Variants in CASZ1 observed in about 807,000 individuals in gnomAD.
CASZ1 encodes zinc finger protein castor homolog 1.
A neutral mutation model predicts 135.2 loss-of-function variants in CASZ1; 28 were observed. The ratio of observed to expected loss-of-function variants is 0.21; its 90% CI spans 0.15 to 0.28. The LOEUF is 0.28. CASZ1 is among the 10% of genes least tolerant of loss of function. The probability of loss-of-function intolerance (pLI) is 1.00; values close to 1 mark genes in which losing one functional copy is unlikely to be tolerated. For synonymous variants in CASZ1, 1,068 were observed against 1,073.4 expected (o/e 0.99, Z 0.10); for missense variants, 2,161 against 2,453.3 (o/e 0.88, Z 2.52).
At chr1:10,681,172 A>T (rs1381383240) in intron 4 of CASZ1, among the ~76,000 whole-genome samples, 1 of 150,852 alleles carries the variant, frequency 6.6e-6, no homozygotes, top group African/African-American at 2.4e-5. Flanking sequence ...AAGTGCTGGG[A>T]TTATAGGCAG....
intron 5 of CASZ1, chr1:10,660,970 T>G: frequency 5.2e-6 from 1 of 192,000 alleles, no homozygotes; most frequent in Non-Finnish European, 1.1e-5. Context: ...AGTGGGCAGC[T>G]GGGTGGGAGC....
intron 1 of CASZ1, among the ~76,000 whole-genome samples, chr1:10,791,784 T>A (rs548509320): frequency 6.6e-6 from 1 of 152,072 alleles, no homozygotes; most frequent in Non-Finnish European, 1.5e-5. Context: ...TTTCCTTGAA[T>A]GATCTGTTTA....
intron 15 of CASZ1, 22 bp from the exon 16 acceptor site, chr1:10,648,161 GT>G: frequency 6.8e-7 from 1 of 1,469,830 alleles, no homozygotes; most frequent in Non-Finnish European, 9.1e-7. Flanking sequence ...AGAAGAGGGG[GT>G]CTCATGGGGG....
At chr1:10,749,287 G>A (rs369765297) in intron 2 of CASZ1, among the ~76,000 whole-genome samples, 9 of 149,826 alleles carry the variant, frequency 6.0e-5, no homozygotes, top group African/African-American at 2.2e-4. Flanking sequence ...TCACTCTGTC[G>A]CCCAGGCTGG....
chr1:10,792,324 CCCGCCCCCCCCCCCCCGG>C lies in CASZ1; in HGVS notation c.-234+4222_-234+4239del, dbSNP rs947364475. 2.0e-4 allele frequency among the ~76,000 whole-genome samples: 4 copies of C among 19,906 alleles called. 1 individual carries two copies. The highest frequency in any genetic ancestry group is 5.1e-4 in the African/African-American group (3 of 5,832). 13.1% of individuals were successfully genotyped at this position (19,906 alleles called of 152,430 possible). A position where few individuals can be genotyped will look rare whatever the true frequency, so the allele number is the denominator to read the frequency against. ...CTCTGTACATGGCTTACCCCTCCCCCCCGCCCCCCCCCCCCCGGCCCCGCACACAAAGTAAATGGAAAT... is the reference window on the plus strand; with the variant it reads ...CTCTGTACATGGCTTACCCCTCCCCCCCCCGCACACAAAGTAAATGGAAAT... On this transcript the variant is annotated intron_variant, in intron 1 of 20. Coordinates refer to ENST00000377022, the MANE Select transcript of CASZ1 (RefSeq NM_001079843.3).
chr1:10,653,869 C>A lies in CASZ1; in HGVS notation c.2188G>T (p.Ala730Ser). 1.9e-6 allele frequency: 3 copies of A among 1,612,808 alleles called. No individual in the cohort carries two copies. Among genetic ancestry groups the A allele is most frequent in the Non-Finnish European group, 2.5e-6 (3 of 1,179,338 alleles). The change falls in exon 11 of 21, where the codon GCC (alanine) becomes TCC (serine). Residue 730 changes from alanine (A) to serine (S), a missense_variant. Physicochemically the swap from Ala to Ser is moderately conservative, Grantham distance 99. Coordinates refer to ENST00000377022, the MANE Select transcript of CASZ1 (RefSeq NM_001079843.3). The part of the protein sequence containing the change: ...SSNDDLVDFS[A>S]LSSKNSSLSA... ...AGGCTGGAGTTCTTGCTGCTCAGGG[C>A]GGAGAAGTCAACAAGGTCGTCGTTG...
intron 1 of CASZ1, among the ~76,000 whole-genome samples, chr1:10,770,546 G>A (rs1266586550): frequency 1.3e-5 from 2 of 152,040 alleles, no homozygotes; most frequent in South Asian, 2.1e-4. Flanking sequence ...CAGCCAACTG[G>A]GCCCCTAGCT....
chr1:10,707,649 T>C lies in CASZ1; in HGVS notation c.-76-2105A>G, dbSNP rs1639204502. ...CTGGCTGATGGGAGCAGGGAAGCTG[T>C]CCCTGGGTGGGATCTGGGACCCTGG... On this transcript the variant is annotated intron_variant, in intron 2 of 20. Coordinates refer to ENST00000377022, the MANE Select transcript of CASZ1 (RefSeq NM_001079843.3). The surrounding 1 kb of genome is among the most constrained non-coding windows in gnomAD (Gnocchi z 5.0). Among the ~76,000 whole-genome samples the C allele has an allele frequency of 6.6e-6, 1 of 152,068 alleles. No homozygotes were observed. Among genetic ancestry groups the C allele is most frequent in the African/African-American group, 2.4e-5 (1 of 41,404 alleles).
intron 4 of CASZ1, among the ~76,000 whole-genome samples, chr1:10,678,195 C>T (rs530176473): frequency 3.5e-4 from 54 of 152,320 alleles, no homozygotes; most frequent in Middle Eastern, 6.8e-3. Flanking sequence ...ACACCACCCG[C>T]CCTCCCTGCA....
intron 2 of CASZ1, among the ~76,000 whole-genome samples, chr1:10,722,153 T>A (rs1639508673): frequency 1.3e-5 from 2 of 152,050 alleles, no homozygotes; most frequent in South Asian, 4.2e-4. Flanking sequence ...ACAGCCACCG[T>A]CTCCCCTGAG....
intron 4 of CASZ1, among the ~76,000 whole-genome samples, chr1:10,684,302 A>G (rs1170811304): frequency 6.6e-6 from 1 of 151,992 alleles, no homozygotes; most frequent in Non-Finnish European, 1.5e-5. Context: ...CACAGCTGCA[A>G]GCCCTTTTCT....
At chr1:10,765,996 G>A (rs995849891) in intron 1 of CASZ1, among the ~76,000 whole-genome samples, 2 of 152,196 alleles carry the variant, frequency 1.3e-5, no homozygotes, top group African/African-American at 4.8e-5. Context: ...GTCGCCAGAG[G>A]GAGACGGATA....
At chr1:10,737,805 G>A (rs1639829453) in intron 2 of CASZ1, among the ~76,000 whole-genome samples, 1 of 152,216 alleles carries the variant, frequency 6.6e-6, no homozygotes, top group African/African-American at 2.4e-5. Flanking sequence ...GGAGGGCTGT[G>A]GATCAGCCCG....
Position 10,779,440 on chromosome 1 carries a change from C to T in CASZ1, c.-234+17124G>A, listed in dbSNP as rs1264541101. Among the ~76,000 whole-genome samples the T allele has an allele frequency of 2.0e-5, 3 of 152,262 alleles. No individual in the cohort carries two copies. In the East Asian group the frequency reaches 5.8e-4, roughly 29 times the overall value. ...GCTGGCACAGCCGGTGAGCTCAGCG[C>T]CCTGCGGGGGCCGTGGGTGCAGGCG... On this transcript the variant is annotated intron_variant, in intron 1 of 20. Transcript: ENST00000377022.
chr1:10,667,106 G>A (rs1643260040), intron 4 of CASZ1, among the ~76,000 whole-genome samples: 1 of 152,220 alleles, frequency 6.6e-6, no homozygotes, highest in Non-Finnish European at 1.5e-5. Flanking sequence ...CACATGCCAG[G>A]AAACCCGATG....
intron 6 of CASZ1, 109 bp downstream of exon 6, chr1:10,659,593 G>T: frequency 1.2e-6 from 1 of 818,184 alleles, no homozygotes; most frequent in Non-Finnish European, 2.1e-6. Context: ...TGTGTATAAG[G>T]TGTGAGCGGC....
In CASZ1 at chr1:10,665,260, C is replaced by T. The variant is rs1469936584; in HGVS notation, c.328G>A (p.Ala110Thr). ...GGAGGCAGCTCCAGGCCCTCGCGGG[C>T]AATCCGCCCCAACACGGGTGTGGGT... ...PAPTPVLGRI[A>T]REGLELPPEG... is the part of the protein sequence containing the mutation. The change falls in exon 5 of 21, where the codon GCC (alanine) becomes ACC (threonine). Residue 110 changes from alanine (A) to threonine (T), a missense_variant. Ala to Thr is a moderately conservative substitution (Grantham distance 58, BLOSUM62 0). Around this residue, in one of 7 missense-constraint regions of CASZ1, gnomAD observed 590 missense variants for 609.8 expected, o/e 0.97. Coordinates refer to ENST00000377022, the MANE Select transcript of CASZ1 (RefSeq NM_001079843.3). 1.2e-6 allele frequency: 2 copies of T among 1,608,570 alleles called. No individual in the cohort carries two copies. The highest frequency in any genetic ancestry group is 2.2e-5 in the South Asian group (2 of 90,282).
chr1:10,775,174 C>T (rs1324450193), intron 1 of CASZ1, among the ~76,000 whole-genome samples: 1 of 152,132 alleles, frequency 6.6e-6, no homozygotes, highest in Non-Finnish European at 1.5e-5. Context: ...AGCCAGGCCC[C>T]CAGTGCATCG....
In CASZ1 at chr1:10,647,219, A is replaced by T; in HGVS notation, c.3497+582T>A. ...AGCTGCCACTCAGGCGATATAAATA[A>T]TCCAATTTATTACTTTTATTGAGAA... On this transcript the variant is annotated intron_variant, in intron 16 of 20. Transcript: ENST00000377022. The surrounding 1 kb of genome is among the most constrained non-coding windows in gnomAD (Gnocchi z 4.9). The T allele has an allele frequency of 2.0e-6, 2 of 988,172 alleles. No individual in the cohort carries two copies. The highest frequency in any genetic ancestry group is 2.4e-6 in the Non-Finnish European group (2 of 831,096). 61.2% of individuals were successfully genotyped at this position (988,172 alleles called of 1,614,324 possible).
Sources: allele counts gnomAD v4.1 joint callset (sites outside exome capture counted in the v4.1 genomes callset), GRCh38; gene constraint gnomAD v4.1.1; regional missense constraint gnomAD v4.1.1; non-coding constraint Gnocchi (gnomAD v3.1); transcripts MANE v1.5; gene names NCBI Gene and HGNC (gene_info 2026-07-23, HGNC 2026-07-21).